The following UBE3D variants were observed in gnomAD, a reference collection of about 807,000 sequenced individuals.
The protein encoded by UBE3D is ubiquitin protein ligase E3D, also known as E3 ubiquitin-protein ligase E3D.
Under a neutral mutation model 49.6 loss-of-function variants are expected in UBE3D, and 48 were observed. The ratio of observed to expected loss-of-function variants is 0.97; its 90% CI spans 0.77 to 1.23. The LOEUF is 1.23. Ranked by LOEUF, UBE3D falls within the 50% of genes most tolerant of loss-of-function variation. UBE3D has a pLI of 0.00. For missense variants in UBE3D, 452 were observed against 468.4 expected (o/e 0.96, Z 0.32); for synonymous variants, 189 against 174.2 (o/e 1.08, Z -0.67).
intron 9 of UBE3D, among the ~76,000 whole-genome samples, chr6:82,950,282 A>G (rs1356281629): frequency 6.6e-6 from 1 of 152,248 alleles, no homozygotes; most frequent in Non-Finnish European, 1.5e-5. Context: ...ATCATTGATC[A>G]TCAGAGAAAT....
intron 9 of UBE3D, among the ~76,000 whole-genome samples, chr6:82,929,288 G>T (rs545296236): frequency 6.6e-6 from 1 of 151,892 alleles, no homozygotes; most frequent in African/African-American, 2.4e-5. Flanking sequence ...TAAAATTCTC[G>T]GTTTTACCAT....
At chr6:82,972,180 C>T (rs1377062419) in intron 8 of UBE3D, among the ~76,000 whole-genome samples, 3 of 152,202 alleles carry the variant, frequency 2.0e-5, no homozygotes, top group African/African-American at 7.2e-5. Context: ...TCTTCAGTAT[C>T]CTTGGCTTCC....
At chr6:82,900,310 TATC>T (rs1413289909) in intron 9 of UBE3D, among the ~76,000 whole-genome samples, 1 of 152,196 alleles carries the variant, frequency 6.6e-6, no homozygotes, top group African/African-American at 2.4e-5. Flanking sequence ...CATTTTAATA[TATC>T]ATATTTAAAG....
chr6:83,021,008 A>G (rs189085471), intron 7 of UBE3D, among the ~76,000 whole-genome samples: 30 of 152,312 alleles, frequency 2.0e-4, no homozygotes, highest in Non-Finnish European at 4.0e-4. Flanking sequence ...TCTGCAGGAC[A>G]CTGTTTTTCA....
chr6:83,007,898 T>C (rs144091127), intron 8 of UBE3D, among the ~76,000 whole-genome samples: 169 of 152,226 alleles, frequency 1.1e-3, no homozygotes, highest in African/African-American at 2.0e-3. Flanking sequence ...TGAGCCGAGA[T>C]TGACCCACTA....
intron 8 of UBE3D, chr6:83,018,365 A>G (rs1158165992): frequency 6.6e-6 from 1 of 152,230 alleles, no homozygotes; most frequent in East Asian, 1.9e-4. Context: ...ACTTTGCAAT[A>G]TAAAATGACA....
intron 9 of UBE3D, among the ~76,000 whole-genome samples, chr6:82,926,329 T>C (rs1351365439): frequency 6.6e-6 from 1 of 152,150 alleles, no homozygotes; most frequent in Non-Finnish European, 1.5e-5. Context: ...TAATATTCCA[T>C]TGTCTGTATG....
chr6:82,943,359 A>G (rs62430489), intron 9 of UBE3D, among the ~76,000 whole-genome samples: 24,345 of 152,190 alleles, frequency 0.16, 1,987 homozygotes, highest in South Asian at 0.17. Context: ...AAACTCAGCC[A>G]GGCACGGTGG....
intron 8 of UBE3D, among the ~76,000 whole-genome samples, chr6:83,010,294 A>C (rs111644677): frequency 0.031 from 4,657 of 152,260 alleles, 101 homozygotes; most frequent in Admixed American, 0.064. Context: ...ACCAATCTAA[A>C]AGACAGCAAA....
intron 3 of UBE3D, among the ~76,000 whole-genome samples, chr6:83,046,678 G>GGGGGGC (rs1554211669): frequency 7.5e-6 from 1 of 132,796 alleles, no homozygotes; most frequent in East Asian, 2.4e-4. Context: ...TTGGCGGGGG[G>GGGGGGC]GGTGGGCGGT....
intron 8 of UBE3D, among the ~76,000 whole-genome samples, chr6:83,004,227 A>G (rs1779820561): frequency 6.6e-6 from 1 of 152,232 alleles, no homozygotes; most frequent in South Asian, 2.1e-4. Context: ...GGAGTAATCA[A>G]AAGTCTGACA....
At chr6:83,046,081 ATATATC>A (rs1321052857) in intron 3 of UBE3D, among the ~76,000 whole-genome samples, 1 of 152,218 alleles carries the variant, frequency 6.6e-6, no homozygotes, top group Non-Finnish European at 1.5e-5. Flanking sequence ...AAATCAGAGA[ATATATC>A]ATATCAACAC....
At chr6:82,914,632 TAGG>T (rs140259545) in intron 9 of UBE3D, among the ~76,000 whole-genome samples, 1,544 of 152,268 alleles carry the variant, frequency 0.01, 29 homozygotes, top group African/African-American at 0.035. Context: ...CTGCCAGGAG[TAGG>T]AGAACTGATA....
At chr6:83,035,962 A>C (rs998607991) in intron 5 of UBE3D, 3 of 151,662 alleles carry the variant, frequency 2.0e-5, no homozygotes, top group Admixed American at 6.6e-5. Context: ...GATAGACAAG[A>C]TAGACAATGT....
At chr6:83,039,222 C>T (rs903590109) in intron 4 of UBE3D, among the ~76,000 whole-genome samples, 31 of 152,310 alleles carry the variant, frequency 2.0e-4, no homozygotes, top group African/African-American at 7.5e-4. Context: ...AAGGCAGAAG[C>T]CATATACAGT....
At chr6:83,045,019 T>C (rs1480592342) in intron 3 of UBE3D, among the ~76,000 whole-genome samples, 1 of 152,216 alleles carries the variant, frequency 6.6e-6, no homozygotes, top group Non-Finnish European at 1.5e-5. Context: ...TCCTAATTAG[T>C]CCACAATATT....
intron 5 of UBE3D, among the ~76,000 whole-genome samples, chr6:83,032,689 C>T (rs546912668): frequency 1.5e-4 from 23 of 152,256 alleles, no homozygotes; most frequent in African/African-American, 5.1e-4. Flanking sequence ...CCACCCAAAT[C>T]TCATCTTGAA....
chr6:83,014,804 G>C (rs1279393897), intron 8 of UBE3D, among the ~76,000 whole-genome samples: 1 of 152,188 alleles, frequency 6.6e-6, no homozygotes, highest in Admixed American at 6.5e-5. Flanking sequence ...CTTCATTCAA[G>C]GGGTTCTGGG....
chr6:83,007,101 TCTA>T (rs1780032677), intron 8 of UBE3D, among the ~76,000 whole-genome samples: 1 of 152,146 alleles, frequency 6.6e-6, no homozygotes, highest in African/African-American at 2.4e-5. Flanking sequence ...TTTTAAACTG[TCTA>T]AAGCTAAAAC....
Sources: gnomAD v4.1 joint callset for allele counts (sites outside exome capture counted in the v4.1 genomes callset) on GRCh38, gnomAD v4.1.1 for gene constraint, MANE v1.5 for transcripts, NCBI Gene and HGNC (gene_info 2026-07-23, HGNC 2026-07-21) for gene names.